Variants in TREH observed in about 807,000 individuals in gnomAD.
TREH encodes the protein trehalase.
TREH carries 69 observed loss-of-function variants against 80.5 expected under a neutral mutation model. The observed-to-expected ratio is 0.86, with a 90% CI of 0.71 to 1.05. The LOEUF (loss-of-function observed/expected upper bound fraction) is 1.05, where lower values mean the gene tolerates loss of function less well. Ranked by LOEUF, TREH falls within the 50% of genes least tolerant of loss-of-function variation. TREH has a pLI of 0.00. For missense variants in TREH, 716 were observed against 718.8 expected, an observed-to-expected ratio of 1.00 and a Z score of 0.04; for synonymous variants, 309 against 293.5, an observed-to-expected ratio of 1.05 and a Z score of -0.54.
chr11:118,678,734 C>G (rs1362536022), intron 1 of TREH, among the ~76,000 whole-genome samples: 1 of 150,796 alleles, frequency 6.6e-6, no homozygotes, highest in Non-Finnish European at 1.5e-5. Flanking sequence ...CTCCATAAAT[C>G]CATGTGGAAC....
chr11:118,663,531 G>A lies in TREH; in HGVS notation c.90-92C>T, dbSNP rs1364524972. 5.7e-6 allele frequency: 6 copies of A among 1,049,156 alleles called. No homozygotes were observed. In the East Asian group the frequency reaches 1.3e-4, roughly 23 times the overall value. 65.0% of individuals were successfully genotyped at this position (1,049,156 alleles called of 1,614,324 possible). On this transcript the variant is annotated intron_variant, in intron 1 of 14. Coordinates refer to ENST00000264029, the MANE Select transcript of TREH (RefSeq NM_007180.3). Reference sequence around the variant, plus strand: ...TAGAGTCTGTGGTAGACTGGTCAAGGCATGTTCCCTGGGACTGGACAAGGG... The same window carrying A: ...TAGAGTCTGTGGTAGACTGGTCAAGACATGTTCCCTGGGACTGGACAAGGG...
chr11:118,658,728 G>C lies in TREH; in HGVS notation c.1551C>G (p.Asp517Glu), dbSNP rs369738256. 1 of 1,606,876 alleles carries C rather than the reference G, an allele frequency of 6.2e-7. No individual in the cohort carries two copies. The highest frequency in any genetic ancestry group is 2.2e-5 in the East Asian group (1 of 44,536). ...CACCGGGCTGTCCACCGTTGCTGAC[G>C]TCATACTGGGGACAAGCGGGTGGGC... ...SQKSAMYEKY[D>E]VSNGGQPGGG... is the part of the protein sequence containing the mutation. The change falls in exon 14 of 15, where the codon GAC becomes GAG. Residue 517 changes from aspartate (D) to glutamate (E), a missense_variant. Physicochemically the swap from Asp to Glu is conservative, Grantham distance 45 (BLOSUM62 2). Coordinates refer to ENST00000264029, the MANE Select transcript of TREH (RefSeq NM_007180.3).
intron 11 of TREH, 45 bp downstream of exon 11, chr11:118,659,702 G>C: frequency 6.5e-7 from 1 of 1,547,104 alleles, no homozygotes; most frequent in Non-Finnish European, 8.7e-7. Context: ...TCGGGAGGGG[G>C]CGGTGCTGCC....
rs1555144460 is a variant in TREH at position 118,659,779 on chromosome 11, C to T, written c.1288G>A (p.Gly430Ser). The change falls in exon 11 of 15, where the codon GGC becomes AGC. Residue 430 changes from glycine (G) to serine (S), a missense_variant. By Grantham distance (56) the Gly-to-Ser change is moderately conservative. Transcript: ENST00000264029. ...TATTTCAGAGCCTTGTCCGCCACGCCAGGGTCAGAGAAACACCCGGCCCAG... is the reference window on the plus strand; with the variant it reads ...TATTTCAGAGCCTTGTCCGCCACGCTAGGGTCAGAGAAACACCCGGCCCAG... ...PLWAGCFSDP[G>S]VADKALKYLE... 6.3e-7 allele frequency: 1 copy of T among 1,584,324 alleles called. No individual in the cohort carries two copies. The highest frequency in any genetic ancestry group is 8.6e-7 in the Non-Finnish European group (1 of 1,164,732).
At position 118,661,383 on chromosome 11, in the gene TREH, T is replaced by C. The variant is rs1292322775; in HGVS notation, c.734+10A>G. The stretch of plus-strand genomic sequence containing the variant: ...GGTCTGCAGAGCAGCACAGGGAGGG[T>C]GGTACCCACTGTAGAAAGGCGGTGT... On this transcript the variant is annotated intron_variant, in intron 7 of 14. Transcript: ENST00000264029. The surrounding 1 kb of genome is among the most constrained non-coding windows in gnomAD (Gnocchi z 4.2). 1 of 1,612,654 alleles carries C rather than the reference T, an allele frequency of 6.2e-7. No individual in the cohort carries two copies. The highest frequency in any genetic ancestry group is 1.7e-5 in the Admixed American group (1 of 59,866).
chr11:118,659,291 T>C (rs1320425510), intron 12 of TREH, 79 bp downstream of exon 12: 1 of 1,252,098 alleles, frequency 8.0e-7, no homozygotes, highest in African/African-American at 1.5e-5. Context: ...TGTCTTTTGT[T>C]CATGCCTCCC....
At chr11:118,673,029 A>G (rs1949444805) in intron 1 of TREH, among the ~76,000 whole-genome samples, 2 of 152,206 alleles carry the variant, frequency 1.3e-5, no homozygotes, top group African/African-American at 4.8e-5. Context: ...TAATAGGGAC[A>G]AACCCTTGAG....
chr11:118,679,244 C>T (rs949204283), intron 1 of TREH, among the ~76,000 whole-genome samples: 2 of 152,000 alleles, frequency 1.3e-5, no homozygotes, highest in South Asian at 2.1e-4. Flanking sequence ...GGCTGAGGCA[C>T]GAGAATCTCT....
In TREH at chr11:118,659,497, C is replaced by T; in HGVS notation, c.1321-16G>A. 1 of 1,554,642 alleles carries T rather than the reference C, an allele frequency of 6.4e-7. No individual in the cohort carries two copies. The highest frequency in any genetic ancestry group is 8.7e-7 in the Non-Finnish European group (1 of 1,148,592). On this transcript the variant is annotated splice_polypyrimidine_tract_variant and intron_variant, in intron 11 of 14. Transcript: ENST00000264029. The stretch of plus-strand genomic sequence containing the variant: ...TCCGGTTGTCCTAGAAGGTCCCAGA[C>T]ATTCCCATGACTGTGGGTGGGGCTG...
chr11:118,674,789 A>G lies in TREH; in HGVS notation c.89+4750T>C, dbSNP rs1329043046. ...ACTCCTGATCTCAGATGATCCACCC[A>G]CCTCTGCCTCCCAAAGTGCTGGGAT... On this transcript the variant is annotated intron_variant, in intron 1 of 14. Transcript: ENST00000264029. The surrounding 1 kb of genome is among the most constrained non-coding windows in gnomAD (Gnocchi z 4.4). Among the ~76,000 whole-genome samples, 3 of 152,000 alleles carry G rather than the reference A, an allele frequency of 2.0e-5. No individual in the cohort carries two copies. In the East Asian group the frequency reaches 5.8e-4, roughly 29 times the overall value.
At chr11:118,660,278 G>A (rs564875884) in intron 10 of TREH, among the ~76,000 whole-genome samples, 1 of 152,284 alleles carries the variant, frequency 6.6e-6, no homozygotes, top group African/African-American at 2.4e-5. Context: ...GGAGTGGAAG[G>A]ATTTTGGATG....
intron 1 of TREH, among the ~76,000 whole-genome samples, chr11:118,669,238 T>C (rs1949408879): frequency 6.6e-6 from 1 of 152,224 alleles, no homozygotes; most frequent in African/African-American, 2.4e-5. Flanking sequence ...CCTCATACAC[T>C]GTTGGTGGGA....
intron 1 of TREH, among the ~76,000 whole-genome samples, chr11:118,673,013 T>A (rs1476595926): frequency 6.6e-6 from 1 of 152,116 alleles, no homozygotes; most frequent in Non-Finnish European, 1.5e-5. Flanking sequence ...AGCAGAAGAA[T>A]CTATCTAATA....
At chr11:118,670,139 T>A (rs782515630) in intron 1 of TREH, among the ~76,000 whole-genome samples, 3 of 152,216 alleles carry the variant, frequency 2.0e-5, no homozygotes, top group Non-Finnish European at 4.4e-5. Context: ...ACCCAGAGAT[T>A]GGGAGGTCAG....
Position 118,658,708 on chromosome 11 carries a change from G to A in TREH, c.1571C>T (p.Pro524Leu). The stretch of plus-strand genomic sequence containing the variant: ...AACTTCATATTCTCCTCCCCCACCG[G>A]GCTGTCCACCGTTGCTGACGTCATA... ...EKYDVSNGGQ[P>L]GGGGEYEVQE... Residue 524 changes from proline to leucine, a missense_variant, in exon 14 of 15, where the codon CCC becomes CTC. Pro to Leu is a moderately conservative substitution (Grantham distance 98). Coordinates refer to ENST00000264029, the MANE Select transcript of TREH (RefSeq NM_007180.3). The A allele has an allele frequency of 6.2e-7, 1 of 1,603,058 alleles. No homozygotes were observed. The highest frequency in any genetic ancestry group is 1.1e-5 in the South Asian group (1 of 89,634).
chr11:118,679,421 C>G, intron 1 of TREH, 118 bp downstream of exon 1: 1 of 1,258,180 alleles, frequency 7.9e-7, no homozygotes, highest in Non-Finnish European at 1.0e-6. Context: ...CTTCCCTACT[C>G]TTTCCTTCCT....
Position 118,658,787 on chromosome 11 carries a change from CAACA to C in TREH, c.1546-58_1546-55del, listed in dbSNP as rs1333004237. ...AGGTACTGCCCCCCAGCTCCAGGAACAACAAACAACCAGAGCCCCTGGGGAGAAG... is the reference window on the plus strand; with the variant it reads ...AGGTACTGCCCCCCAGCTCCAGGAACAACAACCAGAGCCCCTGGGGAGAAG... On this transcript the variant is annotated intron_variant, in intron 13 of 14. Transcript: ENST00000264029. 11 of 1,611,796 alleles carry C rather than the reference CAACA, an allele frequency of 6.8e-6. No individual in the cohort carries two copies. In the African/African-American group the frequency reaches 1.5e-4, roughly 22 times the overall value.
At chr11:118,678,056 G>A (rs1162859287) in intron 1 of TREH, among the ~76,000 whole-genome samples, 8 of 152,048 alleles carry the variant, frequency 5.3e-5, no homozygotes, top group African/African-American at 1.9e-4. Flanking sequence ...TGGAACCCAA[G>A]CCCAAACCTT....
At chr11:118,665,285 A>G (rs1949365890) in intron 1 of TREH, among the ~76,000 whole-genome samples, 1 of 152,106 alleles carries the variant, frequency 6.6e-6, no homozygotes, top group African/African-American at 2.4e-5. Flanking sequence ...TACCCAATAC[A>G]GTGGCCCCAC....
Sources: gnomAD v4.1 joint callset for allele counts (sites outside exome capture counted in the v4.1 genomes callset) on GRCh38, gnomAD v4.1.1 for gene constraint, Gnocchi (gnomAD v3.1) non-coding constraint, MANE v1.5 for transcripts, NCBI Gene and HGNC (gene_info 2026-07-23, HGNC 2026-07-21) for gene names.